The following ADAMTS12 variants were observed in gnomAD, a reference collection of about 807,000 sequenced individuals.
ADAMTS12 encodes ADAM metallopeptidase with thrombospondin type 1 motif 12.
In ADAMTS12, 118 loss-of-function variants were observed where a neutral mutation model predicts 167.8. The observed-to-expected ratio is 0.70, with a 90% CI of 0.61 to 0.82. The LOEUF is 0.82. ADAMTS12 is among the 40% of genes least tolerant of loss of function. The probability of loss-of-function intolerance (pLI) is 0.00; values close to 1 mark genes in which losing one functional copy is unlikely to be tolerated. For synonymous variants in ADAMTS12, 704 were observed against 716.9 expected, an observed-to-expected ratio of 0.98 and a Z score of 0.29; for missense variants, 1,916 against 1,998.8, an observed-to-expected ratio of 0.96 and a Z score of 0.79.
intron 2 of ADAMTS12, among the ~76,000 whole-genome samples, chr5:33,807,852 G>C (rs1747299680): frequency 6.6e-6 from 1 of 152,188 alleles, no homozygotes; most frequent in Admixed American, 6.5e-5. Flanking sequence ...GGTGTGGAAG[G>C]AGAGTGCAGT....
rs375447033 is a variant in ADAMTS12 at position 33,709,264 on chromosome 5, C to T, written c.635-25209G>A. On this transcript the variant is annotated intron_variant, in intron 3 of 23. Transcript: ENST00000504830. Reference sequence around the variant, plus strand: ...TTTTACACTGTTGGTAGGAATGTAACTTAGTTCAACCATTATGGAAGACAG... The same window carrying T: ...TTTTACACTGTTGGTAGGAATGTAATTTAGTTCAACCATTATGGAAGACAG... 6.6e-5 allele frequency among the ~76,000 whole-genome samples: 10 copies of T among 152,070 alleles called. No homozygotes were observed. The South Asian group carries it at 8.3e-4, about 13-fold the overall frequency.
At chr5:33,817,652 G>A (rs912803262) in intron 2 of ADAMTS12, among the ~76,000 whole-genome samples, 1 of 151,896 alleles carries the variant, frequency 6.6e-6, no homozygotes, top group Admixed American at 6.6e-5. Context: ...ATTCCAGACA[G>A]CAGATAATGT....
chr5:33,623,574 ACT>A (rs1739433825), intron 14 of ADAMTS12, among the ~76,000 whole-genome samples: 1 of 152,042 alleles, frequency 6.6e-6, no homozygotes, highest in Admixed American at 6.6e-5. Flanking sequence ...CAGAGAAGAA[ACT>A]CTGCAAAAGG....
intron 22 of ADAMTS12, among the ~76,000 whole-genome samples, chr5:33,540,726 T>G: frequency 6.6e-6 from 1 of 152,018 alleles, no homozygotes; most frequent in East Asian, 1.9e-4. Context: ...CTCCAACAGC[T>G]CTGCAGCTGA....
At chr5:33,741,070 GA>G (rs377134551) in intron 3 of ADAMTS12, among the ~76,000 whole-genome samples, 73 of 152,266 alleles carry the variant, frequency 4.8e-4, no homozygotes, top group African/African-American at 1.7e-3. Context: ...AGCCAGCCCT[GA>G]AAAAACCTCA....
intron 5 of ADAMTS12, among the ~76,000 whole-genome samples, chr5:33,679,162 T>C (rs1742022879): frequency 6.6e-6 from 1 of 152,238 alleles, no homozygotes; most frequent in Non-Finnish European, 1.5e-5. Flanking sequence ...GCAAGACTTC[T>C]CAACCTCCCA....
In ADAMTS12 at chr5:33,630,855, C is replaced by A. The variant is rs1467284597; in HGVS notation, c.1947G>T (p.Leu649=). The part of the protein sequence containing the change: ...PIDGQFSEKM[L]DAVIDGTPCF... Reference sequence around the variant, plus strand: ...AAGGGGTACCATCAATGACAGCATCCAGCATTTTCTCAGAAAACTGGCCAT... The same window carrying A: ...AAGGGGTACCATCAATGACAGCATCAAGCATTTTCTCAGAAAACTGGCCAT... The change falls in exon 13 of 24, where the codon CTG becomes CTT. Residue 649 remains leucine (L), a synonymous_variant. Transcript: ENST00000504830. The A allele has an allele frequency of 6.2e-7, 1 of 1,613,642 alleles. No individual in the cohort carries two copies. Among genetic ancestry groups the A allele is most frequent in the Non-Finnish European group, 8.5e-7 (1 of 1,179,698 alleles).
chr5:33,605,201 A>T (rs562526025), intron 16 of ADAMTS12, among the ~76,000 whole-genome samples: 1 of 152,288 alleles, frequency 6.6e-6, no homozygotes, highest in Non-Finnish European at 1.5e-5. Context: ...AATGGAATCA[A>T]CCACTGAGCC....
intron 20 of ADAMTS12, 139 bp from the exon 21 acceptor site, chr5:33,549,522 C>T (rs1192465180): frequency 3.9e-6 from 4 of 1,028,788 alleles, no homozygotes; most frequent in Non-Finnish European, 5.6e-6. Context: ...TGCTTTCCCT[C>T]CCACACCACA....
chr5:33,872,674 G>A (rs563677567), intron 2 of ADAMTS12, among the ~76,000 whole-genome samples: 1 of 152,236 alleles, frequency 6.6e-6, no homozygotes, highest in Non-Finnish European at 1.5e-5. Flanking sequence ...TCTGCTCCCT[G>A]TGTCCCAGCC....
intron 2 of ADAMTS12, among the ~76,000 whole-genome samples, chr5:33,800,199 A>G (rs1417101424): frequency 6.6e-6 from 1 of 152,238 alleles, no homozygotes; most frequent in African/African-American, 2.4e-5. Flanking sequence ...TCTATAAATA[A>G]CAAAATAATT....
chr5:33,548,934 C>T (rs780368801), intron 21 of ADAMTS12, among the ~76,000 whole-genome samples: 2 of 152,180 alleles, frequency 1.3e-5, no homozygotes, highest in African/African-American at 4.8e-5. Context: ...CACCAATTCC[C>T]CAGTATATCC....
chr5:33,823,807 T>G (rs994726579), intron 2 of ADAMTS12, among the ~76,000 whole-genome samples: 1 of 152,160 alleles, frequency 6.6e-6, no homozygotes, highest in African/African-American at 2.4e-5. Context: ...TTGAGATTCC[T>G]TCAATGAGAA....
At chr5:33,714,620 A>C (rs1257202913) in intron 3 of ADAMTS12, among the ~76,000 whole-genome samples, 1 of 143,878 alleles carries the variant, frequency 7.0e-6, no homozygotes, top group Non-Finnish European at 1.5e-5. Flanking sequence ...ATTCAGCCAT[A>C]AAAAAGAATG....
At chr5:33,608,384 C>A (rs538273355) in intron 16 of ADAMTS12, among the ~76,000 whole-genome samples, 26 of 152,116 alleles carry the variant, frequency 1.7e-4, no homozygotes, top group Non-Finnish European at 3.2e-4. Context: ...CTTTAAAAAC[C>A]AAGCTAATAA....
chr5:33,864,990 T>TA lies in ADAMTS12; in HGVS notation c.489+16128dup, dbSNP rs201457893. Among the ~76,000 whole-genome samples the TA allele has an allele frequency of 2.0e-3, 298 of 145,942 alleles. 3 individuals carry two copies. The highest frequency in any genetic ancestry group is 0.013 in the East Asian group (66 of 5,046). ...GTATCCCAGAACTTAAAGTATTAAA[T>TA]AAAAAAAAAAGATCAGAGCCAGATG... On this transcript the variant is annotated intron_variant, in intron 2 of 23. Coordinates refer to ENST00000504830, the MANE Select transcript of ADAMTS12 (RefSeq NM_030955.4).
chr5:33,582,427 T>C (rs566617052), intron 18 of ADAMTS12, among the ~76,000 whole-genome samples: 10 of 152,286 alleles, frequency 6.6e-5, no homozygotes, highest in African/African-American at 2.4e-4. Context: ...AATGCCCCTA[T>C]CCCTCCATGC....
At chr5:33,720,988 C>G (rs759143983) in intron 3 of ADAMTS12, among the ~76,000 whole-genome samples, 1 of 152,138 alleles carries the variant, frequency 6.6e-6, no homozygotes, top group Non-Finnish European at 1.5e-5. Context: ...TGCCCAACAA[C>G]AGTAGAATGA....
At chr5:33,711,768 T>C (rs1743412472) in intron 3 of ADAMTS12, among the ~76,000 whole-genome samples, 1 of 152,294 alleles carries the variant, frequency 6.6e-6, no homozygotes, top group South Asian at 2.1e-4. Context: ...ATACAATTAC[T>C]ACTTAAACAC....
Sources: allele counts gnomAD v4.1 joint callset (sites outside exome capture counted in the v4.1 genomes callset), GRCh38; gene constraint gnomAD v4.1.1; transcripts MANE v1.5; gene names NCBI Gene and HGNC (gene_info 2026-07-23, HGNC 2026-07-21).